Variants in SLIT3 observed in about 807,000 individuals in gnomAD.
SLIT3 encodes the protein slit homolog 3 protein.
SLIT3 carries 68 observed loss-of-function variants against 184.0 expected under a neutral mutation model. That is an observed-to-expected ratio of 0.37 (90% CI 0.30 to 0.45). The LOEUF (loss-of-function observed/expected upper bound fraction) is 0.45, where lower values mean the gene tolerates loss of function less well. Ranked by LOEUF, SLIT3 falls within the 20% of genes least tolerant of loss-of-function variation. SLIT3 has a pLI of 1.00. For synonymous variants in SLIT3, 831 were observed against 828.6 expected (o/e 1.00, Z -0.05); for missense variants, 1,707 against 2,026.0 (o/e 0.84, Z 3.02).
chr5:168,675,249 G>A (rs555089687), intron 32 of SLIT3, among the ~76,000 whole-genome samples: 1 of 152,228 alleles, frequency 6.6e-6, no homozygotes, highest in East Asian at 1.9e-4. Context: ...AATTCTCCCT[G>A]ACAAATCCTT....
chr5:168,745,681 G>A (rs1763775424), intron 20 of SLIT3, among the ~76,000 whole-genome samples: 1 of 152,200 alleles, frequency 6.6e-6, no homozygotes, highest in Admixed American at 6.5e-5. Context: ...CAAAGTGCTG[G>A]GATTACAGGC....
intron 1 of SLIT3, among the ~76,000 whole-genome samples, chr5:169,285,885 C>CAGACT (rs1470243849): frequency 6.6e-6 from 1 of 152,198 alleles, no homozygotes; most frequent in East Asian, 1.9e-4. Context: ...GCAGATGATG[C>CAGACT]CTCAGACTGT....
rs77408760 is a variant in SLIT3 at position 168,845,974 on chromosome 5, C to T, written c.486-1319G>A. Among the ~76,000 whole-genome samples the T allele has an allele frequency of 1.3e-3, 193 of 152,304 alleles. 1 individual carries two copies. In the East Asian group the frequency reaches 0.024, roughly 19 times the overall value. On this transcript the variant is annotated intron_variant, in intron 5 of 35. Transcript: ENST00000519560. Reference sequence around the variant, plus strand: ...TGAGCTAAACTATCCCAGGACAACTCTCCACAAAAGACATGTCAAAGCTAC... The same window carrying T: ...TGAGCTAAACTATCCCAGGACAACTTTCCACAAAAGACATGTCAAAGCTAC...
At chr5:168,969,640 A>G (rs969204182) in intron 4 of SLIT3, among the ~76,000 whole-genome samples, 2 of 152,200 alleles carry the variant, frequency 1.3e-5, no homozygotes, top group African/African-American at 2.4e-5. Context: ...AAACACATCT[A>G]GATGGTTTTC....
At position 169,086,513 on chromosome 5, in the gene SLIT3, C is replaced by T. The variant is rs561042775; in HGVS notation, c.413+106966G>A. The stretch of plus-strand genomic sequence containing the variant: ...GTAAAAAGTACACATGAACTATATA[C>T]GGCTTGACTAAAAATAAAAGAAATG... On this transcript the variant is annotated intron_variant, in intron 4 of 35. Coordinates refer to ENST00000519560, the MANE Select transcript of SLIT3 (RefSeq NM_003062.4). Among the ~76,000 whole-genome samples, 21 of 152,280 alleles carry T rather than the reference C, an allele frequency of 1.4e-4. No individual in the cohort carries two copies. In the South Asian group the frequency reaches 1.5e-3, roughly 11 times the overall value.
chr5:169,156,371 C>A (rs1157846447), intron 4 of SLIT3, among the ~76,000 whole-genome samples: 1 of 152,236 alleles, frequency 6.6e-6, no homozygotes, highest in Non-Finnish European at 1.5e-5. Flanking sequence ...TGCCCTTTAT[C>A]ACCCTAATGA....
chr5:169,118,412 T>C (rs887581141), intron 4 of SLIT3, among the ~76,000 whole-genome samples: 5 of 152,204 alleles, frequency 3.3e-5, no homozygotes, highest in African/African-American at 1.2e-4. Context: ...TGAAGGTGCC[T>C]CTGGCCCAAA....
At chr5:169,205,891 G>A (rs549482395) in intron 3 of SLIT3, among the ~76,000 whole-genome samples, 2 of 152,326 alleles carry the variant, frequency 1.3e-5, no homozygotes, top group East Asian at 3.9e-4. Context: ...GGTCCTGAGA[G>A]CTTGGAGCAA....
intron 27 of SLIT3, among the ~76,000 whole-genome samples, 172 bp from the exon 28 acceptor site, chr5:168,696,603 C>G (rs925704128): frequency 2.0e-5 from 3 of 152,108 alleles, no homozygotes; most frequent in African/African-American, 7.2e-5. Context: ...CAGGAAGACC[C>G]TTAGGAACCT....
chr5:168,903,658 CA>C (rs1760944676), intron 4 of SLIT3, among the ~76,000 whole-genome samples: 1 of 152,134 alleles, frequency 6.6e-6, no homozygotes, highest in Non-Finnish European at 1.5e-5. Context: ...GGCTGGAACA[CA>C]AAGGCCTGTC....
chr5:168,867,081 C>T (rs771043958), intron 5 of SLIT3, among the ~76,000 whole-genome samples: 3 of 152,132 alleles, frequency 2.0e-5, no homozygotes, highest in Admixed American at 6.5e-5. Flanking sequence ...GATTCCTGGG[C>T]CTTGACCAGA....
intron 4 of SLIT3, among the ~76,000 whole-genome samples, chr5:169,092,561 C>G (rs1759632322): frequency 6.6e-6 from 1 of 152,184 alleles, no homozygotes; most frequent in Non-Finnish European, 1.5e-5. Flanking sequence ...GGCGTGTGAC[C>G]TAGGCTCAGC....
chr5:169,095,405 T>A (rs906783191), intron 4 of SLIT3, among the ~76,000 whole-genome samples: 1 of 152,164 alleles, frequency 6.6e-6, no homozygotes, highest in Non-Finnish European at 1.5e-5. Context: ...AATTGCCCAG[T>A]CAGTTTTAGG....
At chr5:168,933,254 C>A (rs758787234) in intron 4 of SLIT3, among the ~76,000 whole-genome samples, 9 of 152,138 alleles carry the variant, frequency 5.9e-5, no homozygotes, top group Non-Finnish European at 1.3e-4. Context: ...CTTAAAACAG[C>A]CAGAGGAGGC....
chr5:168,902,049 G>A (rs1760890034), intron 4 of SLIT3, among the ~76,000 whole-genome samples: 1 of 152,124 alleles, frequency 6.6e-6, no homozygotes, highest in African/African-American at 2.4e-5. Flanking sequence ...GCATCACCAT[G>A]CCCAGCTAAC....
rs546562159 is a variant in SLIT3, at chr5:169,050,807, G to A, written c.413+142672C>T. 9.2e-5 allele frequency among the ~76,000 whole-genome samples: 14 copies of A among 152,066 alleles called. No individual in the cohort carries two copies. In the East Asian group the frequency reaches 1.2e-3, roughly 13 times the overall value. ...CATGGAAAGACGCCATAGGTATCACGGCGAGATCACATTCCACCCTTCCAG... is the reference window on the plus strand; with the variant it reads ...CATGGAAAGACGCCATAGGTATCACAGCGAGATCACATTCCACCCTTCCAG... On this transcript the variant is annotated intron_variant, in intron 4 of 35. Coordinates refer to ENST00000519560, the MANE Select transcript of SLIT3 (RefSeq NM_003062.4).
intron 4 of SLIT3, among the ~76,000 whole-genome samples, chr5:168,916,828 A>G (rs1368954685): frequency 2.0e-5 from 3 of 152,102 alleles, no homozygotes; most frequent in Non-Finnish European, 4.4e-5. Flanking sequence ...TTCTTTCTCC[A>G]GGCAACTTTT....
intron 3 of SLIT3, among the ~76,000 whole-genome samples, chr5:169,199,541 T>C (rs1763850197): frequency 6.6e-6 from 1 of 152,180 alleles, no homozygotes; most frequent in Non-Finnish European, 1.5e-5. Context: ...TTAGTAATAA[T>C]ACTAAAACCA....
At chr5:168,798,265 C>G (rs1756646017) in intron 9 of SLIT3, among the ~76,000 whole-genome samples, 1 of 137,208 alleles carries the variant, frequency 7.3e-6, no homozygotes, top group Non-Finnish European at 1.5e-5. Flanking sequence ...GCTCTGTCAC[C>G]CAGGCTAGAG....
Sources: allele counts gnomAD v4.1 joint callset (sites outside exome capture counted in the v4.1 genomes callset), GRCh38; gene constraint gnomAD v4.1.1; transcripts MANE v1.5; gene names NCBI Gene and HGNC (gene_info 2026-07-23, HGNC 2026-07-21).